The following TNFAIP8L1 variants were observed in gnomAD, a reference collection of about 807,000 sequenced individuals.
TNFAIP8L1 encodes the protein TNF alpha induced protein 8 like 1.
For missense variants in TNFAIP8L1, 225 were observed against 266.1 expected, an observed-to-expected ratio of 0.85 and a Z score of 1.08; for synonymous variants, 127 against 125.6, an observed-to-expected ratio of 1.01 and a Z score of -0.08.
At chr19:4,648,923 CCTTT>C (rs1486670446) in intron 1 of TNFAIP8L1, among the ~76,000 whole-genome samples, 1 of 136,604 alleles carries the variant, frequency 7.3e-6, no homozygotes, top group Non-Finnish European at 1.6e-5. Flanking sequence ...CTGCAAACAT[CCTTT>C]TTTTTTTTTT....
At chr19:4,642,924 G>C (rs1379533070) in intron 1 of TNFAIP8L1, among the ~76,000 whole-genome samples, 1 of 152,096 alleles carries the variant, frequency 6.6e-6, no homozygotes, top group African/African-American at 2.4e-5. Flanking sequence ...CAGACGGGGG[G>C]CATGGGGATA....
rs150823749 is a variant in TNFAIP8L1, at chr19:4,645,224, G to A, written c.-4+5595G>A. ...GAATTTTGCCATCTGGTAGTTAAAC[G>A]CAGCCATTATTTAACGTGGGAGAAT... On this transcript the variant is annotated intron_variant, in intron 1 of 1. Coordinates refer to ENST00000327473, the MANE Select transcript of TNFAIP8L1 (RefSeq NM_152362.3). The surrounding 1 kb of genome is among the most constrained non-coding windows in gnomAD (Gnocchi z 4.1). Among the ~76,000 whole-genome samples the A allele has an allele frequency of 9.2e-5, 14 of 152,276 alleles. No individual in the cohort carries two copies. Among genetic ancestry groups the A allele is most frequent in the African/African-American group, 2.6e-4 (11 of 41,558 alleles).
intron 1 of TNFAIP8L1, among the ~76,000 whole-genome samples, chr19:4,647,908 G>T (rs1042873036): frequency 6.6e-6 from 1 of 152,082 alleles, no homozygotes; most frequent in Non-Finnish European, 1.5e-5. Flanking sequence ...GATTACAGGT[G>T]TGAGCCACCT....
intron 1 of TNFAIP8L1, among the ~76,000 whole-genome samples, chr19:4,650,939 G>C (rs916966676): frequency 5.3e-5 from 8 of 152,120 alleles, no homozygotes; most frequent in Admixed American, 3.9e-4. Context: ...AGCCGAGATC[G>C]TGCCACCACA....
At chr19:4,644,966 G>T (rs2088296579) in intron 1 of TNFAIP8L1, among the ~76,000 whole-genome samples, 1 of 152,152 alleles carries the variant, frequency 6.6e-6, no homozygotes, top group African/African-American at 2.4e-5. Flanking sequence ...ATGAGGCCTG[G>T]GATCACTGGC....
intron 1 of TNFAIP8L1, among the ~76,000 whole-genome samples, chr19:4,649,662 T>C (rs1568281891): frequency 1.3e-5 from 2 of 152,212 alleles, no homozygotes; most frequent in African/African-American, 4.8e-5. Flanking sequence ...TGGTCTCTTC[T>C]GCAAAACAGG....
Position 4,652,329 on chromosome 19 carries a change from G to C in TNFAIP8L1, c.460G>C (p.Asp154His). 1 of 1,555,618 alleles carries C rather than the reference G, an allele frequency of 6.4e-7. No individual in the cohort carries two copies. The highest frequency in any genetic ancestry group is 8.7e-7 in the Non-Finnish European group (1 of 1,152,196). Residue 154 changes from aspartate (D) to histidine (H), a missense_variant, in exon 2 of 2, where the codon GAC becomes CAC. Transcript: ENST00000327473. ...NHVFGHLADC[D>H]FLAALYGPAE... is the part of the protein sequence containing the mutation. ...CGTGTTCGGCCACCTAGCCGACTGC[G>C]ACTTCCTGGCTGCGCTCTACGGCCC...
Position 4,645,643 on chromosome 19 carries a change from AG to A in TNFAIP8L1, c.-4+6018del, listed in dbSNP as rs1360221469. Among the ~76,000 whole-genome samples, 1 of 142,970 alleles carries A rather than the reference AG, an allele frequency of 7.0e-6. No individual in the cohort carries two copies. Among genetic ancestry groups the A allele is most frequent in the Non-Finnish European group, 1.5e-5 (1 of 66,000 alleles). The allele number at this position is 142,970 out of a possible 152,430, so 93.8% of individuals were successfully genotyped here. ...TAGTTAAATAAAGTACATTTAAGCC[AG>A]GGGTGGTAGCTCACACCTGTAGTCC... On this transcript the variant is annotated intron_variant, in intron 1 of 1. Coordinates refer to ENST00000327473, the MANE Select transcript of TNFAIP8L1 (RefSeq NM_152362.3). The surrounding 1 kb of genome is among the most constrained non-coding windows in gnomAD (Gnocchi z 4.1).
intron 1 of TNFAIP8L1, among the ~76,000 whole-genome samples, chr19:4,647,432 C>T (rs1472232875): frequency 6.6e-6 from 1 of 151,990 alleles, no homozygotes; most frequent in African/African-American, 2.4e-5. Context: ...CCTCAGCCTC[C>T]AGAGTAGCTG....
At chr19:4,651,013 TA>T (rs1193954758) in intron 1 of TNFAIP8L1, among the ~76,000 whole-genome samples, 1 of 151,136 alleles carries the variant, frequency 6.6e-6, no homozygotes, top group Admixed American at 6.6e-5. Context: ...AATAATAAAA[TA>T]AATAAATAAT....
chr19:4,651,350 AT>A (rs932783244), intron 1 of TNFAIP8L1, among the ~76,000 whole-genome samples: 188 of 145,850 alleles, frequency 1.3e-3, no homozygotes, highest in Non-Finnish European at 1.2e-3. Flanking sequence ...AAAATTTTTG[AT>A]TTTTTTTTTT....
rs533671572 is a variant in TNFAIP8L1 at position 4,653,257 on chromosome 19, T to G, written c.*827T>G. 6.0e-6 allele frequency: 1 copy of G among 166,296 alleles called. No individual in the cohort carries two copies. Among genetic ancestry groups the G allele is most frequent in the Non-Finnish European group, 1.5e-5 (1 of 68,220 alleles). The allele number at this position is 166,296 out of a possible 1,614,324, so 10.3% of individuals were successfully genotyped here. A position where few individuals can be genotyped will look rare whatever the true frequency, so the allele number is the denominator to read the frequency against. ...AGGAGGAGGTTGCAGTGAGCCGAGA[T>G]TGTGCCACTGCACTCCAGCCTGGGT... is the stretch of plus-strand genomic sequence containing the variant. On this transcript the variant is annotated 3_prime_UTR_variant, in exon 2 of 2. Coordinates refer to ENST00000327473, the MANE Select transcript of TNFAIP8L1 (RefSeq NM_152362.3).
rs1333433307 is a variant in TNFAIP8L1, at chr19:4,641,701, T to C, written c.-4+2072T>C. 6.6e-6 allele frequency: 1 copy of C among 152,062 alleles called. No individual in the cohort carries two copies. The highest frequency in any genetic ancestry group is 2.4e-5 in the African/African-American group (1 of 41,408). The allele number at this position is 152,062 out of a possible 1,614,324, so 9.4% of individuals were successfully genotyped here. On this transcript the variant is annotated intron_variant, in intron 1 of 1. Transcript: ENST00000327473. This position sits in a 1 kb window ranked among gnomAD's most constrained non-coding sequence, Gnocchi z 4.6. ...GGGTGGGGGAGATTCAACAAGATATTGTTAAAAGCCCGAGGAGGGGATTAC... is the reference window on the plus strand; with the variant it reads ...GGGTGGGGGAGATTCAACAAGATATCGTTAAAAGCCCGAGGAGGGGATTAC...
chr19:4,649,738 G>A (rs969258556), intron 1 of TNFAIP8L1, among the ~76,000 whole-genome samples: 4 of 152,246 alleles, frequency 2.6e-5, no homozygotes, highest in Non-Finnish European at 4.4e-5. Context: ...GGTCTGCCAC[G>A]TGGCACTGAG....
chr19:4,654,274 A>T lies in TNFAIP8L1; in HGVS notation c.*1844A>T, dbSNP rs191436182. On this transcript the variant is annotated 3_prime_UTR_variant, in exon 2 of 2. Coordinates refer to ENST00000327473, the MANE Select transcript of TNFAIP8L1 (RefSeq NM_152362.3). ...AAACTGCTCCAATCCAGGGACTGCC[A>T]CATGGGAGGGGACGGAGCGTGCCCA... 3.9e-5 allele frequency: 6 copies of T among 152,372 alleles called. No individual in the cohort carries two copies. Among genetic ancestry groups the T allele is most frequent in the Admixed American group, 3.9e-4 (6 of 15,310 alleles). The allele number at this position is 152,372 out of a possible 1,614,324, so 9.4% of individuals were successfully genotyped here.
chr19:4,641,371 C>T lies in TNFAIP8L1; in HGVS notation c.-4+1742C>T, dbSNP rs1213190186. 1 of 152,204 alleles carries T rather than the reference C, an allele frequency of 6.6e-6. No homozygotes were observed. The highest frequency in any genetic ancestry group is 1.9e-4 in the East Asian group (1 of 5,188). 9.4% of individuals were successfully genotyped at this position (152,204 alleles called of 1,614,324 possible). ...GACGTCAACGCTAAAAAATGACTCA[C>T]ACTTGCCCAGGTACAGCTCAGGTGT... On this transcript the variant is annotated intron_variant, in intron 1 of 1. Coordinates refer to ENST00000327473, the MANE Select transcript of TNFAIP8L1 (RefSeq NM_152362.3). This position sits in a 1 kb window ranked among gnomAD's most constrained non-coding sequence, Gnocchi z 4.6.
intron 1 of TNFAIP8L1, 168 bp downstream of exon 1, chr19:4,639,797 G>C (rs1405610450): frequency 6.5e-6 from 1 of 152,676 alleles, no homozygotes; most frequent in Non-Finnish European, 1.5e-5. Flanking sequence ...TATAGGTTAG[G>C]GGGAGACAGA....
intron 1 of TNFAIP8L1, among the ~76,000 whole-genome samples, chr19:4,648,021 C>G (rs1256865095): frequency 6.6e-6 from 1 of 152,110 alleles, no homozygotes; most frequent in African/African-American, 2.4e-5. Context: ...CTGCTGTATC[C>G]CCAGTGCCTC....
Position 4,655,002 on chromosome 19 carries a change from T to C in TNFAIP8L1, c.*2572T>C, listed in dbSNP as rs2088410302. ...TAGGTCTAGCTGGCTCCATTCAGTATTTGAGACATTTGGAATTTGTCTGCA... is the reference window on the plus strand; with the variant it reads ...TAGGTCTAGCTGGCTCCATTCAGTACTTGAGACATTTGGAATTTGTCTGCA... On this transcript the variant is annotated 3_prime_UTR_variant, in exon 2 of 2. Coordinates refer to ENST00000327473, the MANE Select transcript of TNFAIP8L1 (RefSeq NM_152362.3). 6.6e-6 allele frequency: 1 copy of C among 152,326 alleles called. No homozygotes were observed. Among genetic ancestry groups the C allele is most frequent in the South Asian group, 2.1e-4 (1 of 4,828 alleles). 9.4% of individuals were successfully genotyped at this position (152,326 alleles called of 1,614,324 possible).
Sources: allele counts gnomAD v4.1 joint callset (sites outside exome capture counted in the v4.1 genomes callset), GRCh38; gene constraint gnomAD v4.1.1; non-coding constraint Gnocchi (gnomAD v3.1); transcripts MANE v1.5; gene names NCBI Gene and HGNC (gene_info 2026-07-23, HGNC 2026-07-21).